Variants in DYRK4 observed in about 807,000 individuals in gnomAD.
DYRK4 encodes the protein dual specificity tyrosine phosphorylation regulated kinase 4.
DYRK4 carries 64 observed loss-of-function variants against 68.3 expected under a neutral mutation model. That is an observed-to-expected ratio of 0.94 (90% CI 0.77 to 1.15). The LOEUF (loss-of-function observed/expected upper bound fraction) is 1.15. Among genes scored for constraint, DYRK4 ranks in the 50% most tolerant of loss-of-function variants. DYRK4 has a pLI of 0.00. For missense variants in DYRK4, 740 were observed against 764.7 expected, an observed-to-expected ratio of 0.97 and a Z score of 0.38; for synonymous variants, 274 against 289.9, an observed-to-expected ratio of 0.95 and a Z score of 0.56.
intron 8 of DYRK4, chr12:4,597,012 A>T: frequency 8.0e-7 from 1 of 1,250,826 alleles, no homozygotes; most frequent in Non-Finnish European, 1.0e-6. Context: ...CTTAAGAGCT[A>T]AACTGAAATA....
chr12:4,612,283 A>G (rs529384537), intron 13 of DYRK4, among the ~76,000 whole-genome samples: 10 of 152,338 alleles, frequency 6.6e-5, no homozygotes, highest in African/African-American at 2.4e-4. Context: ...TATTTCTTAT[A>G]AGGAAATTTC....
intron 2 of DYRK4, chr12:4,572,743 G>GT (rs1944745590): frequency 6.5e-6 from 1 of 153,596 alleles, no homozygotes; most frequent in African/African-American, 2.4e-5. Context: ...GATTGCAGGG[G>GT]TATTAAGGGA....
intron 10 of DYRK4, chr12:4,603,250 T>C: frequency 1.1e-6 from 1 of 920,740 alleles, no homozygotes. Context: ...GTTCTATTAC[T>C]GTTTCATTCT....
In DYRK4 at chr12:4,599,378, G is replaced by A. The variant is rs116744992; in HGVS notation, c.1044+212G>A. On this transcript the variant is annotated intron_variant, in intron 9 of 14. Transcript: ENST00000543431. ...TTCAGTCAATGGCATTTCTAAGGCC[G>A]TGCAAGCAAGGCCTAGAACCAGGTG... Among the ~76,000 whole-genome samples, 420 of 150,288 alleles carry A rather than the reference G, an allele frequency of 2.8e-3. 1 individual carries two copies. The highest frequency in any genetic ancestry group is 8.9e-3 in the African/African-American group (363 of 40,900).
intron 2 of DYRK4, among the ~76,000 whole-genome samples, chr12:4,585,953 C>T (rs1270780194): frequency 2.0e-5 from 3 of 152,214 alleles, no homozygotes; most frequent in Non-Finnish European, 4.4e-5. Flanking sequence ...TGATGGTTCA[C>T]GCCTGTAATC....
chr12:4,589,266 A>G (rs754742438), intron 3 of DYRK4, among the ~76,000 whole-genome samples: 2 of 152,228 alleles, frequency 1.3e-5, no homozygotes, highest in African/African-American at 2.4e-5. Flanking sequence ...TATGGGATAC[A>G]TGAGATGTTT....
intron 13 of DYRK4, among the ~76,000 whole-genome samples, chr12:4,610,852 T>G (rs1047857360): frequency 6.6e-5 from 10 of 152,214 alleles, no homozygotes; most frequent in African/African-American, 2.4e-4. Context: ...AGAAATTAGA[T>G]CTGTACTTAA....
intron 2 of DYRK4, among the ~76,000 whole-genome samples, chr12:4,572,522 C>T (rs1310288578): frequency 6.6e-6 from 1 of 152,196 alleles, no homozygotes; most frequent in African/African-American, 2.4e-5. Context: ...GTCTCGATCT[C>T]CTGACCTCGT....
intron 6 of DYRK4, among the ~76,000 whole-genome samples, chr12:4,594,006 T>C (rs1304435300): frequency 6.6e-6 from 1 of 152,206 alleles, no homozygotes; most frequent in Non-Finnish European, 1.5e-5. Context: ...GGGCCTAAGC[T>C]TCCAGGTGAT....
intron 12 of DYRK4, among the ~76,000 whole-genome samples, chr12:4,608,050 ATGGAAGGATGGGTCGACAAGG>A (rs1945174489): frequency 6.6e-6 from 1 of 152,140 alleles, no homozygotes; most frequent in Non-Finnish European, 1.5e-5. Flanking sequence ...CCTATACAAG[ATGGAAGGATGGGTCGACAAGG>A]TATCAACTGA....
chr12:4,602,679 A>G, intron 10 of DYRK4: 3 of 1,433,804 alleles, frequency 2.1e-6, no homozygotes, highest in South Asian at 2.3e-5. Flanking sequence ...CATTTTCTGT[A>G]CTATTTGCAT....
At position 4,593,055 on chromosome 12, in the gene DYRK4, C is replaced by T. The variant is rs746129299; in HGVS notation, c.517C>T (p.Leu173=). 2.2e-5 allele frequency: 35 copies of T among 1,614,028 alleles called. No individual in the cohort carries two copies. Among genetic ancestry groups the T allele is most frequent in the Middle Eastern group, 3.3e-4 (2 of 6,082 alleles). ...QLSPYEQSEI[L]GYAELWFLGL... The stretch of plus-strand genomic sequence containing the variant: ...GTCTCCATATGAACAAAGTGAAATC[C>T]TGGGCTACGCGGAGCTGTGGTTCCT... Residue 173 remains leucine (L), a synonymous_variant, in exon 6 of 15, where the codon CTG becomes TTG. Transcript: ENST00000543431.
chr12:4,596,765 GA>G, intron 8 of DYRK4, 36 bp downstream of exon 8: 3 of 1,610,092 alleles, frequency 1.9e-6, no homozygotes, highest in Non-Finnish European at 2.5e-6. Flanking sequence ...ATTTTCTCTG[GA>G]AAAGTTACCT....
chr12:4,574,729 T>C (rs571180846), intron 2 of DYRK4, among the ~76,000 whole-genome samples: 1 of 152,206 alleles, frequency 6.6e-6, no homozygotes, highest in East Asian at 1.9e-4. Flanking sequence ...TATTGAAAAG[T>C]TTTTTTTAGA....
chr12:4,599,270 C>CTTTTGTTTTTTTT (rs375183364), intron 9 of DYRK4, 104 bp downstream of exon 9: 3 of 461,204 alleles, frequency 6.5e-6, no homozygotes, highest in East Asian at 4.5e-5. Flanking sequence ...TTGCCTTTGA[C>CTTTTGTTTTTTTT]TTTTTTTTTT....
intron 2 of DYRK4, among the ~76,000 whole-genome samples, chr12:4,568,803 A>G (rs758383846): frequency 1.3e-5 from 2 of 152,224 alleles, no homozygotes; most frequent in Non-Finnish European, 2.9e-5. Context: ...TGTGATAACC[A>G]TCTATGGGAT....
intron 2 of DYRK4, among the ~76,000 whole-genome samples, chr12:4,570,946 G>C (rs1395385769): frequency 6.6e-6 from 1 of 152,196 alleles, no homozygotes; most frequent in Non-Finnish European, 1.5e-5. Flanking sequence ...TAGCTGGCAA[G>C]GATCAGAGGA....
intron 2 of DYRK4, among the ~76,000 whole-genome samples, chr12:4,574,971 C>T (rs1358646208): frequency 6.6e-6 from 1 of 152,206 alleles, no homozygotes; most frequent in Non-Finnish European, 1.5e-5. Flanking sequence ...CCACCAGCCT[C>T]GGCATCCCAA....
In DYRK4 at chr12:4,567,952, C is replaced by T. The variant is rs552910974; in HGVS notation, c.39-3C>T. 1.1e-5 allele frequency: 17 copies of T among 1,535,790 alleles called. No homozygotes were observed. The East Asian group carries it at 3.9e-4, about 35-fold the overall frequency. ...AATTTATTTTTTACTTTCCCTCATG[C>T]AGGACTCAAATGGATGCTAAAAAGC... On this transcript the variant is annotated splice_region_variant and splice_polypyrimidine_tract_variant and intron_variant, in intron 1 of 14. Coordinates refer to ENST00000543431, the MANE Select transcript of DYRK4 (RefSeq NM_001394779.1).
Sources: gnomAD v4.1 joint callset for allele counts (sites outside exome capture counted in the v4.1 genomes callset) on GRCh38, gnomAD v4.1.1 for gene constraint, MANE v1.5 for transcripts, NCBI Gene and HGNC (gene_info 2026-07-23, HGNC 2026-07-21) for gene names.